NAA25: variants seen among roughly 807,000 people sequenced by gnomAD.
The protein encoded by NAA25 is N-terminal acetyltransferase B complex subunit NAA25.
Under a neutral mutation model 132.5 loss-of-function variants are expected in NAA25, and 30 were observed. The observed-to-expected ratio is 0.23, with a 90% CI of 0.17 to 0.31. The LOEUF (loss-of-function observed/expected upper bound fraction) is 0.31. NAA25 is among the 10% of genes least tolerant of loss of function. NAA25 has a pLI of 1.00. For missense variants in NAA25, 771 were observed against 1,150.4 expected, an observed-to-expected ratio of 0.67 and a Z score of 4.77; for synonymous variants, 359 against 401.9, an observed-to-expected ratio of 0.89 and a Z score of 1.28.
chr12:112,087,686 T>C lies in NAA25; in HGVS notation c.399A>G (p.Gln133=), dbSNP rs1427714807. The change falls in exon 4 of 24, where the codon CAA becomes CAG. Residue 133 remains glutamine (Q), a synonymous_variant. Coordinates refer to ENST00000261745, the MANE Select transcript of NAA25 (RefSeq NM_024953.4). ...GTAGGTTTGGGGATCAAATTACCTG[T>C]TGCATTTTCTTGTATTCACCCACTC... ...YARVGEYKKM[Q]QAGMALYKIV... is the part of the protein sequence containing the mutation. 2 of 1,608,772 alleles carry C rather than the reference T, an allele frequency of 1.2e-6. No individual in the cohort carries two copies. The highest frequency in any genetic ancestry group is 1.7e-6 in the Non-Finnish European group (2 of 1,175,544).
At chr12:112,095,083 C>G (rs2079191934) in intron 1 of NAA25, among the ~76,000 whole-genome samples, 1 of 152,116 alleles carries the variant, frequency 6.6e-6, no homozygotes, top group Admixed American at 6.6e-5. Flanking sequence ...GGGAGGATAA[C>G]TTGAGGCCAG....
At chr12:112,095,770 T>C (rs555349474) in intron 1 of NAA25, among the ~76,000 whole-genome samples, 1 of 152,140 alleles carries the variant, frequency 6.6e-6, no homozygotes, top group Admixed American at 6.5e-5. Context: ...CATGGCATTC[T>C]GGAAAAGGTG....
At chr12:112,069,056 G>A (rs1040531682) in intron 10 of NAA25, 64 bp from the exon 11 acceptor site, 4 of 928,960 alleles carry the variant, frequency 4.3e-6, no homozygotes, top group Non-Finnish European at 6.7e-6. Flanking sequence ...ATTTAAGTGA[G>A]AATTAATTTG....
In NAA25 at chr12:112,033,213, G is replaced by T; in HGVS notation, c.2796+20C>A. 1.3e-6 allele frequency: 2 copies of T among 1,588,784 alleles called. No individual in the cohort carries two copies. Among genetic ancestry groups the T allele is most frequent in the South Asian group, 2.3e-5 (2 of 87,062 alleles). ...TTGTGTGTGTGTAGAAAACATTGCC[G>T]ATTGCCTACAATCTCTTACCGGTGA... On this transcript the variant is annotated intron_variant, in intron 23 of 23. Coordinates refer to ENST00000261745, the MANE Select transcript of NAA25 (RefSeq NM_024953.4).
chr12:112,051,741 C>A (rs1231224198), intron 15 of NAA25, among the ~76,000 whole-genome samples: 2 of 152,192 alleles, frequency 1.3e-5, no homozygotes, highest in East Asian at 1.9e-4. Context: ...AAAAAAAACT[C>A]TGAGGATGAC....
chr12:112,088,365 C>A (rs540592936), intron 3 of NAA25, among the ~76,000 whole-genome samples: 1 of 117,858 alleles, frequency 8.5e-6, no homozygotes, highest in African/African-American at 3.3e-5. Context: ...CTCACTCTGT[C>A]GCCCAGGCTG....
chr12:112,054,822 G>C (rs555118775), intron 13 of NAA25, among the ~76,000 whole-genome samples: 6 of 152,204 alleles, frequency 3.9e-5, no homozygotes, highest in South Asian at 2.1e-4. Flanking sequence ...CAGGTCTTGT[G>C]GGGGGATGTT....
chr12:112,079,016 G>A (rs1401322470), intron 5 of NAA25, among the ~76,000 whole-genome samples: 3 of 152,136 alleles, frequency 2.0e-5, no homozygotes, highest in African/African-American at 4.8e-5. Flanking sequence ...CTAGAAGAAT[G>A]TAAAGAGGGA....
At chr12:112,038,009 T>C (rs554863927) in intron 22 of NAA25, among the ~76,000 whole-genome samples, 1 of 152,108 alleles carries the variant, frequency 6.6e-6, no homozygotes, top group South Asian at 2.1e-4. Flanking sequence ...GTGGAAAACT[T>C]TGAATACTGA....
At chr12:112,052,248 T>TAGATG (rs1197186765) in intron 15 of NAA25, among the ~76,000 whole-genome samples, 1 of 152,150 alleles carries the variant, frequency 6.6e-6, no homozygotes, top group East Asian at 1.9e-4. Flanking sequence ...CATGCTAGGT[T>TAGATG]TTAGAAACCC....
At chr12:112,076,815 T>C (rs1042984957) in intron 7 of NAA25, among the ~76,000 whole-genome samples, 14 of 151,334 alleles carry the variant, frequency 9.3e-5, no homozygotes, top group Non-Finnish European at 2.1e-4. Flanking sequence ...GGGCAACATA[T>C]TGAGACCCCA....
chr12:112,101,174 C>G (rs759773657), intron 1 of NAA25, among the ~76,000 whole-genome samples: 8 of 152,170 alleles, frequency 5.3e-5, no homozygotes, highest in Non-Finnish European at 1.2e-4. Flanking sequence ...CTTTTCTTGA[C>G]CTGACCCCAA....
chr12:112,082,372 C>T (rs2078985207), intron 4 of NAA25, among the ~76,000 whole-genome samples: 1 of 152,054 alleles, frequency 6.6e-6, no homozygotes, highest in Non-Finnish European at 1.5e-5. Flanking sequence ...GAGATTGAGA[C>T]CAGCCTGGGC....
chr12:112,038,175 G>A (rs144934287), intron 22 of NAA25, among the ~76,000 whole-genome samples: 213 of 152,122 alleles, frequency 1.4e-3, no homozygotes, highest in African/African-American at 4.3e-3. Context: ...CACCATGCCC[G>A]ACTAATTTTT....
chr12:112,078,360 C>T, intron 6 of NAA25, 94 bp from the exon 7 acceptor site: 1 of 922,678 alleles, frequency 1.1e-6, no homozygotes, highest in Non-Finnish European at 1.7e-6. Context: ...TTTAATAGAG[C>T]ATGTCTTCAA....
At chr12:112,088,085 G>T (rs1228975642) in intron 3 of NAA25, among the ~76,000 whole-genome samples, 2 of 152,160 alleles carry the variant, frequency 1.3e-5, no homozygotes, top group African/African-American at 4.8e-5. Context: ...ACTATTTGTA[G>T]TTCCACCAGA....
intron 2 of NAA25, among the ~76,000 whole-genome samples, chr12:112,092,507 A>T (rs1451904229): frequency 6.6e-6 from 1 of 151,490 alleles, no homozygotes; most frequent in Non-Finnish European, 1.5e-5. Context: ...CATGCCTGTA[A>T]TCTCAACTAC....
chr12:112,067,879 G>A (rs565227917), intron 11 of NAA25, among the ~76,000 whole-genome samples: 11 of 152,122 alleles, frequency 7.2e-5, no homozygotes, highest in South Asian at 4.2e-4. Context: ...GGGTCTACAC[G>A]TGCTCACCAC....
At chr12:112,081,697 C>G (rs765842714) in intron 4 of NAA25, among the ~76,000 whole-genome samples, 2 of 152,036 alleles carry the variant, frequency 1.3e-5, no homozygotes, top group Non-Finnish European at 1.5e-5. Flanking sequence ...AAGAATAGAC[C>G]TATTCAAGCA....
Sources: allele counts gnomAD v4.1 joint callset (sites outside exome capture counted in the v4.1 genomes callset), GRCh38; gene constraint gnomAD v4.1.1; transcripts MANE v1.5; gene names NCBI Gene and HGNC (gene_info 2026-07-23, HGNC 2026-07-21).